SLC24A3: variants seen among roughly 807,000 people sequenced by gnomAD.
The protein encoded by SLC24A3 is solute carrier family 24 member 3.
Under a neutral mutation model 75.8 loss-of-function variants are expected in SLC24A3, and 28 were observed. That is an observed-to-expected ratio of 0.37 (90% CI 0.27 to 0.51). The LOEUF is 0.51. Among genes scored for constraint, SLC24A3 ranks in the 20% least tolerant of loss-of-function variants. SLC24A3 has a pLI of 0.94. For synonymous variants in SLC24A3, 372 were observed against 334.1 expected (o/e 1.11, Z -1.24); for missense variants, 663 against 847.8 (o/e 0.78, Z 2.71).
chr20:19,362,865 G>T (rs1335185812), intron 2 of SLC24A3, among the ~76,000 whole-genome samples: 1 of 152,138 alleles, frequency 6.6e-6, no homozygotes, highest in Non-Finnish European at 1.5e-5. Context: ...ATGCTTTTGG[G>T]TGTCACAGAA....
At chr20:19,238,774 C>A (rs1982242736) in intron 1 of SLC24A3, among the ~76,000 whole-genome samples, 1 of 152,132 alleles carries the variant, frequency 6.6e-6, no homozygotes, top group African/African-American at 2.4e-5. Context: ...AAGGGGATGG[C>A]CAGACAAGAC....
chr20:19,577,553 A>G (rs2031158468), intron 3 of SLC24A3, among the ~76,000 whole-genome samples: 1 of 152,226 alleles, frequency 6.6e-6, no homozygotes, highest in Non-Finnish European at 1.5e-5. Context: ...ACTATTTCAG[A>G]GTGAAAATAT....
At chr20:19,322,658 T>G (rs11905213) in intron 2 of SLC24A3, among the ~76,000 whole-genome samples, 11,289 of 152,206 alleles carry the variant, frequency 0.074, 1,344 homozygotes, top group African/African-American at 0.26. Flanking sequence ...ATCTTGTAAT[T>G]ATCGAGCACT....
intron 2 of SLC24A3, among the ~76,000 whole-genome samples, chr20:19,286,621 G>A (rs1038691892): frequency 2.0e-4 from 30 of 152,272 alleles, no homozygotes; most frequent in Admixed American, 1.8e-3. Flanking sequence ...CCCAACACCC[G>A]TGCAGTGCTC....
At chr20:19,320,280 A>G (rs1355081432) in intron 2 of SLC24A3, among the ~76,000 whole-genome samples, 1 of 152,194 alleles carries the variant, frequency 6.6e-6, no homozygotes, top group East Asian at 1.9e-4. Flanking sequence ...ATTTCCTAAC[A>G]TCATAAAGGT....
At chr20:19,366,861 C>T (rs1399794135) in intron 2 of SLC24A3, among the ~76,000 whole-genome samples, 1 of 152,164 alleles carries the variant, frequency 6.6e-6, no homozygotes, top group Non-Finnish European at 1.5e-5. Context: ...ACCTCCCACC[C>T]CCAGATCTGC....
chr20:19,330,488 A>G (rs1984974114), intron 2 of SLC24A3, among the ~76,000 whole-genome samples: 1 of 152,256 alleles, frequency 6.6e-6, no homozygotes, highest in African/African-American at 2.4e-5. Flanking sequence ...TCACTGGCCA[A>G]ATATGGTATA....
chr20:19,683,036 GA>G lies in SLC24A3; in HGVS notation c.901+1054del, dbSNP rs200166740. Among the ~76,000 whole-genome samples, 345 of 149,710 alleles carry G rather than the reference GA, an allele frequency of 2.3e-3. 2 individuals are homozygous for G. Among genetic ancestry groups the G allele is most frequent in the African/African-American group, 7.8e-3 (317 of 40,866 alleles). ...GTCCCATATGGTTGCTTTGCAGGAAGAAAAAAAAAGAAATTAGAAAGATTAT... is the reference window on the plus strand; with the variant it reads ...GTCCCATATGGTTGCTTTGCAGGAAGAAAAAAAAGAAATTAGAAAGATTAT... On this transcript the variant is annotated intron_variant, in intron 10 of 16. Coordinates refer to ENST00000328041, the MANE Select transcript of SLC24A3 (RefSeq NM_020689.4).
intron 2 of SLC24A3, among the ~76,000 whole-genome samples, chr20:19,488,418 G>A (rs950743657): frequency 2.6e-5 from 4 of 152,192 alleles, no homozygotes; most frequent in African/African-American, 7.2e-5. Flanking sequence ...CTTCATTATA[G>A]AGCCTCATGT....
intron 2 of SLC24A3, among the ~76,000 whole-genome samples, chr20:19,442,741 G>C (rs1436957918): frequency 6.6e-6 from 1 of 151,740 alleles, no homozygotes; most frequent in African/African-American, 2.4e-5. Flanking sequence ...CTTTTATTTT[G>C]TATGTTGCAT....
chr20:19,289,643 C>T (rs1038404041), intron 2 of SLC24A3, among the ~76,000 whole-genome samples: 1 of 152,186 alleles, frequency 6.6e-6, no homozygotes, highest in Non-Finnish European at 1.5e-5. Flanking sequence ...TGGCCTATGA[C>T]AGTGATAAGC....
chr20:19,524,523 A>G (rs2030161761), intron 3 of SLC24A3, among the ~76,000 whole-genome samples: 1 of 152,142 alleles, frequency 6.6e-6, no homozygotes, highest in African/African-American at 2.4e-5. Context: ...GTTTTAGCTC[A>G]TCCCTGCCCT....
chr20:19,228,289 C>G (rs570192036), intron 1 of SLC24A3, among the ~76,000 whole-genome samples: 3 of 152,204 alleles, frequency 2.0e-5, no homozygotes, highest in African/African-American at 7.2e-5. Context: ...ATTAGTGACA[C>G]TGGTTACTTT....
chr20:19,622,981 C>T (rs373580706), intron 6 of SLC24A3, among the ~76,000 whole-genome samples: 2 of 152,144 alleles, frequency 1.3e-5, no homozygotes, highest in South Asian at 2.1e-4. Context: ...GAGACTCACT[C>T]ATTATTGGGG....
intron 15 of SLC24A3, among the ~76,000 whole-genome samples, chr20:19,713,200 G>T (rs1302965294): frequency 6.6e-6 from 1 of 152,174 alleles, no homozygotes; most frequent in East Asian, 1.9e-4. Flanking sequence ...CCTGGTCTCT[G>T]CAGTTTACTT....
intron 15 of SLC24A3, among the ~76,000 whole-genome samples, chr20:19,708,566 T>C (rs1213488803): frequency 6.6e-6 from 1 of 152,220 alleles, no homozygotes; most frequent in Non-Finnish European, 1.5e-5. Flanking sequence ...GAAGCTATCA[T>C]GTGCAGCTCT....
At chr20:19,313,028 CTTTTTTTTTTTTTTT>C (rs747623530) in intron 2 of SLC24A3, among the ~76,000 whole-genome samples, 3 of 68,274 alleles carry the variant, frequency 4.4e-5, no homozygotes, top group Non-Finnish European at 8.0e-5. Context: ...TTTTCTCTTG[CTTTTTTTTTTTTTTT>C]TTTTTTTTTT....
chr20:19,563,153 C>T (rs781582698), intron 3 of SLC24A3, among the ~76,000 whole-genome samples: 1 of 152,168 alleles, frequency 6.6e-6, no homozygotes, highest in South Asian at 2.1e-4. Context: ...AAAAAGCCAT[C>T]CCCTCTACCT....
chr20:19,437,126 G>A (rs1275783186), intron 2 of SLC24A3, among the ~76,000 whole-genome samples: 1 of 152,182 alleles, frequency 6.6e-6, no homozygotes, highest in Non-Finnish European at 1.5e-5. Flanking sequence ...ATGTAGGGGG[G>A]AGAGAGGATA....
Sources: gnomAD v4.1 joint callset for allele counts (sites outside exome capture counted in the v4.1 genomes callset) on GRCh38, gnomAD v4.1.1 for gene constraint, MANE v1.5 for transcripts, NCBI Gene and HGNC (gene_info 2026-07-23, HGNC 2026-07-21) for gene names.